RAPGEF2: variants seen among roughly 807,000 people sequenced by gnomAD.
The protein encoded by RAPGEF2 is Rap guanine nucleotide exchange factor 2.
Under a neutral mutation model 186.7 loss-of-function variants are expected in RAPGEF2, and 54 were observed. That is an observed-to-expected ratio of 0.29 (90% CI 0.23 to 0.36). RAPGEF2 has a LOEUF of 0.36. RAPGEF2 is among the 10% of genes least tolerant of loss of function. The pLI is 1.00. For missense variants in RAPGEF2, 1,532 were observed against 2,045.0 expected (o/e 0.75, Z 4.84); for synonymous variants, 712 against 705.9 (o/e 1.01, Z -0.14).
intron 1 of RAPGEF2, among the ~76,000 whole-genome samples, chr4:159,138,031 G>A (rs760288528): frequency 3.7e-4 from 57 of 152,016 alleles, no homozygotes; most frequent in Non-Finnish European, 4.3e-4. Context: ...ATTGACTTTC[G>A]CACAGACTGA....
At chr4:159,267,658 C>A (rs374538073) in intron 7 of RAPGEF2, 2 of 718,540 alleles carry the variant, frequency 2.8e-6, no homozygotes, top group Non-Finnish European at 3.6e-6. Context: ...TGTGTGATTG[C>A]AGATGAAACA....
intron 7 of RAPGEF2, among the ~76,000 whole-genome samples, chr4:159,299,951 TTATA>T (rs879577658): frequency 3.3e-5 from 5 of 151,960 alleles, no homozygotes; most frequent in Admixed American, 3.3e-4. Context: ...AGGTTTATGC[TTATA>T]TAAAGTATTA....
chr4:159,301,390 T>C (rs1275213317), intron 7 of RAPGEF2, among the ~76,000 whole-genome samples: 1 of 152,132 alleles, frequency 6.6e-6, no homozygotes, highest in African/African-American at 2.4e-5. Context: ...AAGAAAAAAT[T>C]AATAATAGTA....
chr4:159,200,084 G>T (rs1045580387), intron 3 of RAPGEF2, among the ~76,000 whole-genome samples: 8 of 151,084 alleles, frequency 5.3e-5, no homozygotes, highest in African/African-American at 2.0e-4. Flanking sequence ...AGTTTGTATT[G>T]GTGTTTTTCC....
intron 1 of RAPGEF2, among the ~76,000 whole-genome samples, chr4:159,128,206 T>G (rs1404906180): frequency 6.6e-6 from 1 of 152,178 alleles, no homozygotes; most frequent in East Asian, 1.9e-4. Flanking sequence ...ACTTTTACAT[T>G]ACTGTCAATC....
chr4:159,187,013 A>G (rs1460966621), intron 2 of RAPGEF2, among the ~76,000 whole-genome samples: 3 of 152,148 alleles, frequency 2.0e-5, no homozygotes, highest in Admixed American at 1.3e-4. Flanking sequence ...ATAGTGCTAT[A>G]GAACACCAGG....
chr4:159,249,138 A>G (rs1179381159), intron 7 of RAPGEF2, among the ~76,000 whole-genome samples: 4 of 152,058 alleles, frequency 2.6e-5, no homozygotes, highest in African/African-American at 9.7e-5. Flanking sequence ...GTGCTTGTAC[A>G]TGTTTTAAAT....
intron 1 of RAPGEF2, among the ~76,000 whole-genome samples, chr4:159,173,540 A>G (rs1003883703): frequency 1.3e-5 from 2 of 152,154 alleles, no homozygotes; most frequent in African/African-American, 4.8e-5. Flanking sequence ...CAGCTCAACA[A>G]GGTTTCTAGG....
chr4:159,223,002 A>G (rs1033290265), intron 4 of RAPGEF2, among the ~76,000 whole-genome samples: 7 of 151,938 alleles, frequency 4.6e-5, no homozygotes, highest in Non-Finnish European at 8.8e-5. Context: ...GTACCCACTT[A>G]ATTTTTTCCA....
Position 159,358,680 on chromosome 4 carries a change from A to G in RAPGEF2, c.*541A>G, listed in dbSNP as rs1732386329. 1 of 152,254 alleles carries G rather than the reference A, an allele frequency of 6.6e-6. No homozygotes were observed. Among genetic ancestry groups the G allele is most frequent in the Non-Finnish European group, 1.5e-5 (1 of 68,138 alleles). 9.4% of individuals were successfully genotyped at this position (152,254 alleles called of 1,614,324 possible). ...TTACAATGTCCTCCTTTTAAAAAAA[A>G]AAAATGAGTTTAAAGATTTTGTTCA... On this transcript the variant is annotated 3_prime_UTR_variant, in exon 30 of 30. Transcript: ENST00000691494.
At chr4:159,332,731 T>C in intron 17 of RAPGEF2, 34 bp downstream of exon 17, 2 of 1,599,412 alleles carry the variant, frequency 1.3e-6, no homozygotes, top group Non-Finnish European at 1.7e-6. Context: ...GTGCATTATT[T>C]TATTTTGTTA....
chr4:159,314,573 T>G lies in RAPGEF2; in HGVS notation c.676-18T>G, dbSNP rs1764321814. The G allele has an allele frequency of 1.2e-5, 19 of 1,582,684 alleles. No homozygotes were observed. The highest frequency in any genetic ancestry group is 1.5e-5 in the Non-Finnish European group (18 of 1,169,774). ...ATTTACTTAAAATAGTTTTTAATTTTTGTGTGTGTGTCTTAAGGCCACAGA... is the reference window on the plus strand; with the variant it reads ...ATTTACTTAAAATAGTTTTTAATTTGTGTGTGTGTGTCTTAAGGCCACAGA... On this transcript the variant is annotated intron_variant, in intron 8 of 29. Coordinates refer to ENST00000691494, the MANE Select transcript of RAPGEF2 (RefSeq NM_001394067.2).
intron 16 of RAPGEF2, 59 bp downstream of exon 16, chr4:159,332,093 A>T: frequency 8.9e-7 from 1 of 1,128,292 alleles, no homozygotes; most frequent in Non-Finnish European, 1.3e-6. Flanking sequence ...TAGTATTTCA[A>T]ACATCATAAG....
chr4:159,221,387 A>G (rs1039651384), intron 4 of RAPGEF2, among the ~76,000 whole-genome samples: 4 of 152,334 alleles, frequency 2.6e-5, no homozygotes, highest in East Asian at 1.9e-4. Context: ...AGGAAAGGCA[A>G]TAGAGCAAAG....
At chr4:159,290,755 A>C (rs1362127395) in intron 7 of RAPGEF2, among the ~76,000 whole-genome samples, 2 of 128,896 alleles carry the variant, frequency 1.6e-5, no homozygotes, top group Non-Finnish European at 3.2e-5. Context: ...TAAGGTTTAC[A>C]AAAAAAAAAA....
intron 4 of RAPGEF2, among the ~76,000 whole-genome samples, chr4:159,237,832 C>T (rs1174983923): frequency 9.3e-6 from 1 of 107,862 alleles, no homozygotes; most frequent in Non-Finnish European, 1.8e-5. Context: ...GACTTTGTCT[C>T]TACAAAAATT....
intron 4 of RAPGEF2, among the ~76,000 whole-genome samples, chr4:159,232,374 CAT>C (rs1440497938): frequency 6.6e-6 from 1 of 152,300 alleles, no homozygotes; most frequent in East Asian, 1.9e-4. Context: ...TAAGTGGAAT[CAT>C]ATGATATTTG....
chr4:159,214,082 G>A (rs188742468), intron 4 of RAPGEF2, among the ~76,000 whole-genome samples: 1 of 152,234 alleles, frequency 6.6e-6, no homozygotes, highest in Non-Finnish European at 1.5e-5. Context: ...CAGTTTCTTT[G>A]TATCAATGGA....
At chr4:159,173,216 A>C (rs1746099756) in intron 1 of RAPGEF2, among the ~76,000 whole-genome samples, 3 of 152,198 alleles carry the variant, frequency 2.0e-5, no homozygotes, top group Admixed American at 2.0e-4. Flanking sequence ...AATGGCTACA[A>C]TGAAATTTTC....
Sources: allele counts gnomAD v4.1 joint callset (sites outside exome capture counted in the v4.1 genomes callset), GRCh38; gene constraint gnomAD v4.1.1; transcripts MANE v1.5; gene names NCBI Gene and HGNC (gene_info 2026-07-23, HGNC 2026-07-21).